SAFB: variants seen among roughly 807,000 people sequenced by gnomAD.
The protein encoded by SAFB is scaffold attachment factor B1.
In SAFB, 15 loss-of-function variants were observed where a neutral mutation model predicts 101.6. The ratio of observed to expected loss-of-function variants is 0.15; its 90% CI spans 0.10 to 0.23. The LOEUF is 0.23. Among genes scored for constraint, SAFB ranks in the 10% least tolerant of loss-of-function variants. The pLI, the probability that SAFB is intolerant of heterozygous loss-of-function variation, is 1.00. For synonymous variants in SAFB, 449 were observed against 407.5 expected, an observed-to-expected ratio of 1.10 and a Z score of -1.23; for missense variants, 930 against 1,104.1, an observed-to-expected ratio of 0.84 and a Z score of 2.23.
In SAFB at chr19:5,667,021, T is replaced by C. The variant is rs1262411861; in HGVS notation, c.2335-25T>C. 2 of 1,459,926 alleles carry C rather than the reference T, an allele frequency of 1.4e-6. No homozygotes were observed. The highest frequency in any genetic ancestry group is 2.3e-5 in the East Asian group (1 of 44,216). The allele number at this position is 1,459,926 out of a possible 1,614,324, so 90.4% of individuals were successfully genotyped here. A position where few individuals can be genotyped will look rare whatever the true frequency, so the allele number is the denominator to read the frequency against. On this transcript the variant is annotated intron_variant, in intron 17 of 20. Transcript: ENST00000588852. The surrounding 1 kb of genome is among the most constrained non-coding windows in gnomAD (Gnocchi z 4.0). Reference sequence around the variant, plus strand: ...GGGCGCTGACACTGAAGCTTTTTTTTCCCTTCTGGCTCTGTGATGTCCAGC... The same window carrying C: ...GGGCGCTGACACTGAAGCTTTTTTTCCCCTTCTGGCTCTGTGATGTCCAGC...
At chr19:5,663,339 A>C (rs2054258040) in intron 15 of SAFB, among the ~76,000 whole-genome samples, 1 of 152,196 alleles carries the variant, frequency 6.6e-6, no homozygotes, top group Admixed American at 6.5e-5. Flanking sequence ...ACTGAAGAGG[A>C]GGTATGAACA....
chr19:5,655,686 T>C (rs2054043631), intron 13 of SAFB, among the ~76,000 whole-genome samples: 1 of 152,124 alleles, frequency 6.6e-6, no homozygotes, highest in Non-Finnish European at 1.5e-5. Flanking sequence ...ACTTGGTGAA[T>C]GGAGCGGATT....
intron 8 of SAFB, among the ~76,000 whole-genome samples, chr19:5,650,750 A>T (rs1458295689): frequency 6.6e-6 from 1 of 152,140 alleles, no homozygotes; most frequent in Non-Finnish European, 1.5e-5. Context: ...ACATTGTCCC[A>T]ATAGCCCCAC....
chr19:5,665,784 G>T (rs867203080), intron 17 of SAFB: 1 of 152,228 alleles, frequency 6.6e-6, no homozygotes, highest in East Asian at 1.9e-4. Flanking sequence ...AACTAGCACA[G>T]AACTTATGGG....
Position 5,668,304 on chromosome 19 carries a change from C to A in SAFB, c.*13C>A. The A allele has an allele frequency of 6.2e-7, 1 of 1,608,926 alleles. No individual in the cohort carries two copies. The highest frequency in any genetic ancestry group is 8.5e-7 in the Non-Finnish European group (1 of 1,178,900). ...TCGCCGCTACTGAGTACTTGGAATCCTGTGTCCTGTCTCGTGGCAACAAGG... is the reference window on the plus strand; with the variant it reads ...TCGCCGCTACTGAGTACTTGGAATCATGTGTCCTGTCTCGTGGCAACAAGG... On this transcript the variant is annotated 3_prime_UTR_variant, in exon 21 of 21. Transcript: ENST00000588852.
chr19:5,623,177 A>T lies in SAFB; in HGVS notation c.-29A>T, dbSNP rs1403447910. ...GATAAAACCGGCCCGGTTCTGTGGAAAGTGGGCGGCGGAGCCAGGGTCCCT... is the reference window on the plus strand; with the variant it reads ...GATAAAACCGGCCCGGTTCTGTGGATAGTGGGCGGCGGAGCCAGGGTCCCT... On this transcript the variant is annotated 5_prime_UTR_variant, in exon 1 of 21. Transcript: ENST00000588852. 2 of 1,556,094 alleles carry T rather than the reference A, an allele frequency of 1.3e-6. No homozygotes were observed. Among genetic ancestry groups the T allele is most frequent in the South Asian group, 2.3e-5 (2 of 85,176 alleles).
intron 14 of SAFB, among the ~76,000 whole-genome samples, chr19:5,658,384 A>G (rs893654965): frequency 2.0e-5 from 3 of 152,242 alleles, no homozygotes; most frequent in African/African-American, 7.2e-5. Flanking sequence ...TCTATGAAAT[A>G]CTTCGTTAAC....
rs1356409732 is a variant in SAFB at position 5,667,161 on chromosome 19, C to A, written c.2450C>A (p.Pro817His). The change falls in exon 18 of 21, where the codon CCC becomes CAC. Residue 817 changes from proline to histidine, a missense_variant. Physicochemically the swap from Pro to His is moderately conservative, Grantham distance 77. Coordinates refer to ENST00000588852, the MANE Select transcript of SAFB (RefSeq NM_001201338.2). This position sits in a 1 kb window ranked among gnomAD's most constrained non-coding sequence, Gnocchi z 4.0. ...GAGGGCCGGGGGCTGCCTCCTCCCC[C>A]CAGGTTTGTGTCCCACACCCGACAG... The part of the protein sequence containing the change: ...MSEGRGLPPP[P>H]RGRRDWGDHG... 1 of 1,581,446 alleles carries A rather than the reference C, an allele frequency of 6.3e-7. No individual in the cohort carries two copies. Among genetic ancestry groups the A allele is most frequent in the East Asian group, 2.2e-5 (1 of 44,690 alleles).
chr19:5,624,253 A>G (rs1423872388), intron 1 of SAFB, among the ~76,000 whole-genome samples: 1 of 151,018 alleles, frequency 6.6e-6, no homozygotes, highest in East Asian at 1.9e-4. Context: ...TGTAAGAAGC[A>G]AAAAAGCAAT....
At chr19:5,660,972 G>T (rs1321540228) in intron 14 of SAFB, among the ~76,000 whole-genome samples, 2 of 142,446 alleles carry the variant, frequency 1.4e-5, no homozygotes, top group Non-Finnish European at 3.0e-5. Context: ...TTCTGTTGCC[G>T]GGCTGGAGTG....
Position 5,668,387 on chromosome 19 carries a change from G to A in SAFB, c.*96G>A. ...TAAAAATATTTTTTTTTAATCTGCTGCCATATTGTAGCTCAATACAATGTG... is the reference window on the plus strand; with the variant it reads ...TAAAAATATTTTTTTTTAATCTGCTACCATATTGTAGCTCAATACAATGTG... On this transcript the variant is annotated 3_prime_UTR_variant, in exon 21 of 21. Coordinates refer to ENST00000588852, the MANE Select transcript of SAFB (RefSeq NM_001201338.2). 1 of 1,366,442 alleles carries A rather than the reference G, an allele frequency of 7.3e-7. No individual in the cohort carries two copies. The highest frequency in any genetic ancestry group is 9.8e-7 in the Non-Finnish European group (1 of 1,020,120). 84.6% of individuals were successfully genotyped at this position (1,366,442 alleles called of 1,614,324 possible).
intron 9 of SAFB, among the ~76,000 whole-genome samples, chr19:5,652,403 C>T (rs2053959267): frequency 6.6e-6 from 1 of 152,034 alleles, no homozygotes; most frequent in African/African-American, 2.4e-5. Context: ...GTGTCTTGAG[C>T]GCAGCAGGCC....
chr19:5,626,617 G>A (rs969158145), intron 2 of SAFB, 128 bp downstream of exon 2: 31 of 602,140 alleles, frequency 5.1e-5, no homozygotes, highest in Non-Finnish European at 7.7e-5. Context: ...AGCCTTCAGC[G>A]AAGCTTTGCA....
chr19:5,664,355 C>G (rs1340848296), intron 16 of SAFB, 42 bp from the exon 17 acceptor site: 17 of 1,570,466 alleles, frequency 1.1e-5, no homozygotes, highest in Non-Finnish European at 1.5e-5. Context: ...TGTGAACAAG[C>G]CTCTTCTTCC....
At chr19:5,624,527 C>T (rs2053302681) in intron 1 of SAFB, among the ~76,000 whole-genome samples, 1 of 152,028 alleles carries the variant, frequency 6.6e-6, no homozygotes, top group Non-Finnish European at 1.5e-5. Context: ...CTTTTTTCCA[C>T]CTGGCTACTC....
intron 1 of SAFB, among the ~76,000 whole-genome samples, chr19:5,624,963 C>T (rs1417592525): frequency 6.6e-6 from 1 of 152,058 alleles, no homozygotes; most frequent in African/African-American, 2.4e-5. Context: ...TTTTTTCTCC[C>T]TGGACGGTCC....
chr19:5,661,593 G>C lies in SAFB; in HGVS notation c.1938G>C (p.Glu646Asp). The C allele has an allele frequency of 1.2e-6, 2 of 1,612,970 alleles. No homozygotes were observed. The highest frequency in any genetic ancestry group is 1.7e-6 in the Non-Finnish European group (2 of 1,179,920). The stretch of plus-strand genomic sequence containing the variant: ...AGCGCGAGGAGCGTGAGCGGCTGGA[G>C]ATTGCCCGAGAGAGGCTGGCCTTCC... ...QWEREERERL[E>D]IARERLAFQR... The change falls in exon 15 of 21, where the codon GAG becomes GAC. Residue 646 changes from glutamate to aspartate, a missense_variant. By Grantham distance (45) the Glu-to-Asp change is conservative. This residue lies in a region of SAFB where 159 missense variants were observed against 234.1 expected (regional missense o/e 0.68). Transcript: ENST00000588852.
At chr19:5,664,316 T>C (rs2145494498) in intron 16 of SAFB, 81 bp from the exon 17 acceptor site, 1 of 1,467,714 alleles carries the variant, frequency 6.8e-7, no homozygotes, top group South Asian at 1.1e-5. Flanking sequence ...AAATTATGCT[T>C]TTCATTGGGG....
intron 2 of SAFB, among the ~76,000 whole-genome samples, chr19:5,629,631 A>G (rs2053446113): frequency 6.6e-6 from 1 of 152,204 alleles, no homozygotes; most frequent in South Asian, 2.1e-4. Context: ...GGTACTTCCA[A>G]CATTCAGTGT....
Sources: gnomAD v4.1 joint callset for allele counts (sites outside exome capture counted in the v4.1 genomes callset) on GRCh38, gnomAD v4.1.1 for gene constraint, gnomAD v4.1.1 regional missense constraint, Gnocchi (gnomAD v3.1) non-coding constraint, MANE v1.5 for transcripts, NCBI Gene and HGNC (gene_info 2026-07-23, HGNC 2026-07-21) for gene names.